CD82: variants seen among roughly 807,000 people sequenced by gnomAD.
The protein encoded by CD82 is CD82 molecule.
Under a neutral mutation model 37.4 loss-of-function variants are expected in CD82, and 36 were observed. The ratio of observed to expected loss-of-function variants is 0.96; its 90% CI spans 0.74 to 1.27. The LOEUF (loss-of-function observed/expected upper bound fraction) is 1.27, where lower values mean the gene tolerates loss of function less well. Among genes scored for constraint, CD82 ranks in the 50% most tolerant of loss-of-function variants. CD82 has a pLI of 0.00. For synonymous variants in CD82, 158 were observed against 137.4 expected, an observed-to-expected ratio of 1.15 and a Z score of -1.05; for missense variants, 340 against 347.0, an observed-to-expected ratio of 0.98 and a Z score of 0.16.
At chr11:44,605,456 A>T (rs769968077) in intron 6 of CD82, 27 bp downstream of exon 6, 2 of 1,598,260 alleles carry the variant, frequency 1.3e-6, no homozygotes, top group Non-Finnish European at 1.7e-6. Flanking sequence ...CTCCCTCTTC[A>T]CTGGGCTGGA....
At chr11:44,581,792 G>A (rs755202595) in intron 1 of CD82, among the ~76,000 whole-genome samples, 4 of 152,168 alleles carry the variant, frequency 2.6e-5, no homozygotes, top group South Asian at 2.1e-4. Context: ...GAGAGGGTGC[G>A]GTTCCCTATG....
At chr11:44,577,528 C>T (rs976490473) in intron 1 of CD82, among the ~76,000 whole-genome samples, 3 of 152,098 alleles carry the variant, frequency 2.0e-5, no homozygotes, top group African/African-American at 7.2e-5. Context: ...GTCCAAGCCC[C>T]TGCAGGGTCT....
At chr11:44,615,036 G>A (rs559326478) in intron 6 of CD82, among the ~76,000 whole-genome samples, 19 of 152,328 alleles carry the variant, frequency 1.2e-4, no homozygotes, top group African/African-American at 4.1e-4. Flanking sequence ...GCAGTGACAT[G>A]AGAATATTGA....
intron 6 of CD82, among the ~76,000 whole-genome samples, chr11:44,611,824 A>G (rs1472695042): frequency 1.3e-5 from 2 of 152,178 alleles, no homozygotes; most frequent in African/African-American, 4.8e-5. Flanking sequence ...CTGGACTGAA[A>G]GATGTTGTGG....
chr11:44,578,970 A>T (rs1198393065), intron 1 of CD82, among the ~76,000 whole-genome samples: 2 of 151,914 alleles, frequency 1.3e-5, no homozygotes, highest in African/African-American at 4.8e-5. Context: ...GCTGTTTGGG[A>T]CCCAGATGTT....
At chr11:44,611,951 G>A (rs1853488062) in intron 6 of CD82, among the ~76,000 whole-genome samples, 1 of 152,204 alleles carries the variant, frequency 6.6e-6, no homozygotes, top group African/African-American at 2.4e-5. Flanking sequence ...ACCACGCTGG[G>A]GTTTAAACAG....
At chr11:44,615,428 G>A in intron 7 of CD82, 55 bp downstream of exon 7, 4 of 1,069,108 alleles carry the variant, frequency 3.7e-6, no homozygotes, top group Non-Finnish European at 5.8e-6. Context: ...CCTGCATTTG[G>A]GGCTCTGTGC....
At chr11:44,583,132 G>T in intron 1 of CD82, among the ~76,000 whole-genome samples, 1 of 152,212 alleles carries the variant, frequency 6.6e-6, no homozygotes, top group East Asian at 1.9e-4. Flanking sequence ...TTGGCACCTA[G>T]CATTGGGAGG....
intron 9 of CD82, 150 bp from the exon 10 acceptor site, chr11:44,618,899 C>G (rs1358188600): frequency 1.2e-6 from 1 of 835,150 alleles, no homozygotes; most frequent in Non-Finnish European, 2.0e-6. Context: ...CTGCCCCGCT[C>G]TGGGCCTCCC....
intron 4 of CD82, 122 bp from the exon 5 acceptor site, chr11:44,604,936 G>C: frequency 7.3e-7 from 1 of 1,373,362 alleles, no homozygotes; most frequent in Non-Finnish European, 1.0e-6. Flanking sequence ...AAGCCAGCAG[G>C]GGAATGCAGC....
At chr11:44,565,543 A>G (rs1324323888), upstream of CD82, 1 of 107,788 alleles carries the variant, frequency 9.3e-6, no homozygotes, top group Non-Finnish European at 1.9e-5. Context: ...GCCTTCCCAA[A>G]GGGCTCGGGG....
At chr11:44,568,307 G>T (rs1852766146) in intron 1 of CD82, among the ~76,000 whole-genome samples, 1 of 152,186 alleles carries the variant, frequency 6.6e-6, no homozygotes, top group Non-Finnish European at 1.5e-5. Flanking sequence ...AGGCACCATT[G>T]GAGGGGTGGG....
intron 9 of CD82, 127 bp from the exon 10 acceptor site, chr11:44,618,922 A>G (rs1457570179): frequency 1.1e-6 from 1 of 909,582 alleles, no homozygotes; most frequent in Non-Finnish European, 1.8e-6. Context: ...TGCTGCCTGC[A>G]TCACAGGGTG....
At chr11:44,573,190 TATGTGTTCCCACGTGTACACATAA>T (rs71883681) in intron 1 of CD82, 34,051 of 151,990 alleles carry the variant, frequency 0.22, 3,962 homozygotes, top group Middle Eastern at 0.27. Flanking sequence ...GAGAGGGGAG[TATGTGTTCCCACGTGTACACATAA>T]ACCGTTTTGA....
chr11:44,596,576 C>T (rs1308875297), intron 3 of CD82, among the ~76,000 whole-genome samples: 4 of 152,214 alleles, frequency 2.6e-5, no homozygotes, highest in African/African-American at 9.7e-5. Context: ...AAAAGCTGCT[C>T]TCTGGCCAGG....
At chr11:44,575,340 C>G (rs1216466936) in intron 1 of CD82, among the ~76,000 whole-genome samples, 2 of 152,226 alleles carry the variant, frequency 1.3e-5, no homozygotes, top group Non-Finnish European at 2.9e-5. Context: ...TGACCTCTCC[C>G]CACAGTGACT....
intron 8 of CD82, 62 bp downstream of exon 8, chr11:44,618,427 C>A: frequency 7.0e-7 from 1 of 1,432,062 alleles, no homozygotes; most frequent in East Asian, 2.3e-5. Flanking sequence ...ATCTGGGCTA[C>A]TGCTCAGCAA....
In CD82 at chr11:44,609,095, C is replaced by A. The variant is rs150377944; in HGVS notation, c.336+3666C>A. Reference sequence around the variant, plus strand: ...GGCTGCGGGAATGGGGATCTGGGCACGGTGCTAAGATCCTCATCTGCTTGT... The same window carrying A: ...GGCTGCGGGAATGGGGATCTGGGCAAGGTGCTAAGATCCTCATCTGCTTGT... On this transcript the variant is annotated intron_variant, in intron 6 of 9. Coordinates refer to ENST00000227155, the MANE Select transcript of CD82 (RefSeq NM_002231.4). Among the ~76,000 whole-genome samples the A allele has an allele frequency of 3.8e-3, 575 of 152,300 alleles. 10 individuals are homozygous for A. The highest frequency in any genetic ancestry group is 0.024 in the East Asian group (126 of 5,160).
intron 1 of CD82, among the ~76,000 whole-genome samples, chr11:44,572,248 C>T (rs1320098943): frequency 6.6e-6 from 1 of 152,172 alleles, no homozygotes; most frequent in Non-Finnish European, 1.5e-5. Flanking sequence ...CTCTATCAGG[C>T]CAAAATACAG....
Sources: allele counts gnomAD v4.1 joint callset (sites outside exome capture counted in the v4.1 genomes callset), GRCh38; gene constraint gnomAD v4.1.1; transcripts MANE v1.5; gene names NCBI Gene and HGNC (gene_info 2026-07-23, HGNC 2026-07-21).